Variants in ATG10 observed in about 807,000 individuals in gnomAD.
ATG10 encodes autophagy related 10.
In ATG10, 30 loss-of-function variants were observed where a neutral mutation model predicts 32.1. The observed-to-expected ratio is 0.94, with a 90% CI of 0.70 to 1.27. The LOEUF (loss-of-function observed/expected upper bound fraction) is 1.27. ATG10 is among the 50% of genes most tolerant of loss of function. ATG10 has a pLI of 0.00. For synonymous variants in ATG10, 87 were observed against 91.5 expected (o/e 0.95, Z 0.28); for missense variants, 233 against 262.3 (o/e 0.89, Z 0.77).
intron 2 of ATG10, among the ~76,000 whole-genome samples, chr5:81,991,576 C>G (rs758907483): frequency 6.6e-6 from 1 of 152,028 alleles, no homozygotes; most frequent in Non-Finnish European, 1.5e-5. Context: ...GGTTGATTAC[C>G]TGAGGTCAGG....
intron 5 of ATG10, among the ~76,000 whole-genome samples, chr5:82,196,380 TG>T (rs1360571121): frequency 6.6e-6 from 1 of 152,194 alleles, no homozygotes; most frequent in African/African-American, 2.4e-5. Context: ...AAGTTTTTTA[TG>T]TAGGTAAAGT....
intron 5 of ATG10, among the ~76,000 whole-genome samples, chr5:82,206,281 G>C (rs2149971284): frequency 6.6e-6 from 1 of 152,276 alleles, no homozygotes; most frequent in Middle Eastern, 3.4e-3. Context: ...GGCAAACATA[G>C]TAAGCAACAG....
At chr5:82,124,764 T>C (rs1766192154) in intron 3 of ATG10, among the ~76,000 whole-genome samples, 1 of 152,148 alleles carries the variant, frequency 6.6e-6, no homozygotes, top group Non-Finnish European at 1.5e-5. Context: ...TGTGAGTGTG[T>C]CTTTATAGTA....
At chr5:81,982,446 T>C (rs1761077369) in intron 1 of ATG10, among the ~76,000 whole-genome samples, 1 of 151,754 alleles carries the variant, frequency 6.6e-6, no homozygotes, top group Non-Finnish European at 1.5e-5. Context: ...CGATTCCGTC[T>C]CCAAAAAACA....
At chr5:82,195,930 CTA>C (rs1276425576) in intron 5 of ATG10, among the ~76,000 whole-genome samples, 1 of 152,128 alleles carries the variant, frequency 6.6e-6, no homozygotes, top group Admixed American at 6.6e-5. Flanking sequence ...TGTAGTAACA[CTA>C]TGATTTAATT....
intron 3 of ATG10, among the ~76,000 whole-genome samples, chr5:82,144,600 A>C (rs1767274238): frequency 6.6e-6 from 1 of 151,806 alleles, no homozygotes; most frequent in African/African-American, 2.4e-5. Flanking sequence ...GTTTTATTTT[A>C]AAATATTTAG....
chr5:82,132,002 A>T (rs890102794), intron 3 of ATG10, among the ~76,000 whole-genome samples: 1 of 152,042 alleles, frequency 6.6e-6, no homozygotes, highest in Non-Finnish European at 1.5e-5. Context: ...ATTTAACAAG[A>T]TCTTGTGGGA....
chr5:82,061,674 C>A (rs1276134937), intron 3 of ATG10, among the ~76,000 whole-genome samples: 1 of 147,882 alleles, frequency 6.8e-6, no homozygotes, highest in Non-Finnish European at 1.5e-5. Context: ...TACATATATA[C>A]TACATATACA....
chr5:82,169,802 A>G (rs1373916199), intron 4 of ATG10, among the ~76,000 whole-genome samples: 1 of 152,242 alleles, frequency 6.6e-6, no homozygotes, highest in Non-Finnish European at 1.5e-5. Flanking sequence ...TTTAAGAATA[A>G]TGAAAAGTTA....
At chr5:82,118,400 A>ATATATATATATATATATATAT (rs371581160) in intron 3 of ATG10, among the ~76,000 whole-genome samples, 47 of 115,812 alleles carry the variant, frequency 4.1e-4, no homozygotes, top group East Asian at 2.2e-3. Flanking sequence ...ATATATATAT[A>ATATATATATATATATATATAT]TATATGTATG....
intron 2 of ATG10, among the ~76,000 whole-genome samples, chr5:82,010,653 A>T (rs1390311565): frequency 6.6e-6 from 1 of 152,188 alleles, no homozygotes; most frequent in Non-Finnish European, 1.5e-5. Flanking sequence ...TGATTTTACT[A>T]GGTATATTTT....
Position 82,254,325 on chromosome 5 carries a change from G to T in ATG10, c.*262G>T. On this transcript the variant is annotated 3_prime_UTR_variant, in exon 8 of 8. Transcript: ENST00000282185. ...TAATCCAAGCACTTTGGGAGGCCAA[G>T]GTGGGAGCATCACTTGATCCTGGGA... 6.6e-6 allele frequency: 1 copy of T among 152,386 alleles called. No individual in the cohort carries two copies. 9.4% of individuals were successfully genotyped at this position (152,386 alleles called of 1,614,324 possible).
intron 5 of ATG10, among the ~76,000 whole-genome samples, chr5:82,246,526 AAAAAAAAAG>A (rs1261206479): frequency 6.8e-6 from 1 of 148,096 alleles, no homozygotes; most frequent in Non-Finnish European, 1.5e-5. Context: ...TCTCTTAAAA[AAAAAAAAAG>A]AAAAAAAGAA....
chr5:82,166,547 T>A (rs920581667), intron 4 of ATG10, among the ~76,000 whole-genome samples: 1 of 152,200 alleles, frequency 6.6e-6, no homozygotes, highest in Non-Finnish European at 1.5e-5. Flanking sequence ...TCCACCTAAC[T>A]TAACCTCATG....
intron 3 of ATG10, among the ~76,000 whole-genome samples, chr5:82,142,416 T>C (rs550608840): frequency 5.5e-4 from 84 of 152,262 alleles, no homozygotes; most frequent in African/African-American, 1.9e-3. Context: ...GGGAATTTGA[T>C]GGGAGCTCTT....
intron 5 of ATG10, 144 bp downstream of exon 5, chr5:82,178,731 T>TAA: frequency 2.4e-5 from 13 of 532,734 alleles, no homozygotes; most frequent in South Asian, 6.4e-5. Context: ...ACAGTTTCCT[T>TAA]AAAAAAAAAC....
At chr5:82,130,106 G>A (rs1173796083) in intron 3 of ATG10, among the ~76,000 whole-genome samples, 9 of 152,160 alleles carry the variant, frequency 5.9e-5, no homozygotes, top group Middle Eastern at 3.2e-3. Flanking sequence ...GGCGGGCTCC[G>A]CCCAGTTTGA....
At chr5:82,075,833 G>T (rs973252959) in intron 3 of ATG10, among the ~76,000 whole-genome samples, 1 of 152,128 alleles carries the variant, frequency 6.6e-6, no homozygotes, top group Admixed American at 6.5e-5. Context: ...TACTCGGGAG[G>T]CTGAGGCAGG....
chr5:81,975,067 C>G (rs1007656667), intron 1 of ATG10, among the ~76,000 whole-genome samples: 1 of 152,296 alleles, frequency 6.6e-6, no homozygotes, highest in Admixed American at 6.5e-5. Flanking sequence ...GTTACCCTCT[C>G]TGTCTCAATT....
Sources: gnomAD v4.1 joint callset for allele counts (sites outside exome capture counted in the v4.1 genomes callset) on GRCh38, gnomAD v4.1.1 for gene constraint, MANE v1.5 for transcripts, NCBI Gene and HGNC (gene_info 2026-07-23, HGNC 2026-07-21) for gene names.